The following SFMBT1 variants were observed in gnomAD, a reference collection of about 807,000 sequenced individuals.
SFMBT1 encodes the protein Scm like with four mbt domains 1.
A neutral mutation model predicts 108.7 loss-of-function variants in SFMBT1; 32 were observed. The ratio of observed to expected loss-of-function variants is 0.29; its 90% confidence interval spans 0.22 to 0.40. SFMBT1 has a LOEUF of 0.40. Ranked by LOEUF, SFMBT1 falls within the 10% of genes least tolerant of loss-of-function variation. The pLI, the probability that SFMBT1 is intolerant of heterozygous loss-of-function variation, is 1.00. For missense variants in SFMBT1, 816 were observed against 1,059.6 expected (o/e 0.77, Z 3.19); for synonymous variants, 348 against 369.5 (o/e 0.94, Z 0.67).
chr3:52,971,372 C>T (rs562991562), intron 1 of SFMBT1, among the ~76,000 whole-genome samples: 65 of 151,932 alleles, frequency 4.3e-4, no homozygotes, highest in Non-Finnish European at 9.0e-4. Flanking sequence ...TATCCCAAAT[C>T]GTATCACAGA....
intron 2 of SFMBT1, among the ~76,000 whole-genome samples, chr3:52,966,005 C>CAAAAAAA (rs775989805): frequency 1.8e-5 from 1 of 55,030 alleles, no homozygotes; most frequent in Non-Finnish European, 3.2e-5. Context: ...GACTCCGTTT[C>CAAAAAAA]AAAAAAAAAA....
chr3:52,997,769 G>A (rs1357631236), intron 1 of SFMBT1, among the ~76,000 whole-genome samples: 1 of 149,986 alleles, frequency 6.7e-6, no homozygotes, highest in East Asian at 1.9e-4. Flanking sequence ...CACATTTTGG[G>A]GGTAATAAAA....
chr3:52,912,200 A>T (rs187667175), intron 16 of SFMBT1, among the ~76,000 whole-genome samples: 1 of 152,106 alleles, frequency 6.6e-6, no homozygotes, highest in Non-Finnish European at 1.5e-5. Flanking sequence ...TTTTTGTTTG[A>T]GACAGAATCT....
intron 1 of SFMBT1, among the ~76,000 whole-genome samples, chr3:53,035,113 G>C (rs113285240): frequency 1.3e-5 from 2 of 152,376 alleles, no homozygotes; most frequent in African/African-American, 4.8e-5. Flanking sequence ...GAGGCCATGA[G>C]AGAAGGGAAT....
chr3:53,020,705 T>C (rs1699276096), intron 1 of SFMBT1, among the ~76,000 whole-genome samples: 1 of 152,096 alleles, frequency 6.6e-6, no homozygotes, highest in Admixed American at 6.5e-5. Context: ...GAGAACACAT[T>C]TCCAATCTAT....
chr3:52,982,973 T>G (rs566405703), intron 1 of SFMBT1, among the ~76,000 whole-genome samples: 2 of 152,262 alleles, frequency 1.3e-5, no homozygotes, highest in African/African-American at 4.8e-5. Context: ...GATATGGCAC[T>G]GAAACTAAAG....
chr3:53,025,966 T>C (rs1328482220), intron 1 of SFMBT1, among the ~76,000 whole-genome samples: 1 of 152,248 alleles, frequency 6.6e-6, no homozygotes, highest in Non-Finnish European at 1.5e-5. Flanking sequence ...TCTCTCAGTG[T>C]TGGGCTGTGT....
At chr3:52,976,190 C>T (rs1312554601) in intron 1 of SFMBT1, among the ~76,000 whole-genome samples, 1 of 152,044 alleles carries the variant, frequency 6.6e-6, no homozygotes, top group African/African-American at 2.4e-5. Context: ...TCACTTGAGG[C>T]TGGGAGTTCA....
intron 1 of SFMBT1, among the ~76,000 whole-genome samples, chr3:53,005,341 ACT>A (rs1426895069): frequency 7.9e-5 from 12 of 152,092 alleles, no homozygotes; most frequent in Non-Finnish European, 1.8e-4. Context: ...ACAGGATCTC[ACT>A]CTGTCACCCA....
intron 1 of SFMBT1, among the ~76,000 whole-genome samples, chr3:52,998,237 A>C (rs1422915153): frequency 6.7e-6 from 1 of 149,748 alleles, no homozygotes; most frequent in Non-Finnish European, 1.5e-5. Context: ...CTAAAAATAC[A>C]AAAAATTTGC....
chr3:52,945,894 A>G (rs1703350827), intron 3 of SFMBT1, among the ~76,000 whole-genome samples: 2 of 152,186 alleles, frequency 1.3e-5, no homozygotes, highest in Admixed American at 1.3e-4. Flanking sequence ...GAGAAACAGG[A>G]TATCTGCAAA....
chr3:53,006,106 G>C (rs1048722473), intron 1 of SFMBT1, among the ~76,000 whole-genome samples: 1 of 152,198 alleles, frequency 6.6e-6, no homozygotes, highest in Non-Finnish European at 1.5e-5. Flanking sequence ...CATAGTGAGA[G>C]GTCACTTCAA....
At chr3:52,909,102 G>A (rs1283348415) in intron 17 of SFMBT1, among the ~76,000 whole-genome samples, 36 of 152,088 alleles carry the variant, frequency 2.4e-4, no homozygotes, top group Non-Finnish European at 5.1e-4. Flanking sequence ...GAAAAAAATG[G>A]AAATTTTCTA....
chr3:52,961,425 G>C (rs1223178488), intron 2 of SFMBT1, among the ~76,000 whole-genome samples: 1 of 151,996 alleles, frequency 6.6e-6, no homozygotes, highest in Non-Finnish European at 1.5e-5. Context: ...TGTTAAAACG[G>C]CCTGTAATCC....
chr3:53,032,578 A>G (rs987533806), intron 1 of SFMBT1, among the ~76,000 whole-genome samples: 4 of 152,230 alleles, frequency 2.6e-5, no homozygotes, highest in African/African-American at 9.6e-5. Flanking sequence ...CTCATTAAAC[A>G]TAATCATTTC....
At chr3:52,973,148 C>T (rs1192869385) in intron 1 of SFMBT1, among the ~76,000 whole-genome samples, 1 of 152,158 alleles carries the variant, frequency 6.6e-6, no homozygotes, top group Non-Finnish European at 1.5e-5. Context: ...GCCCAGGAGT[C>T]TGAGGTTACC....
At chr3:52,971,403 A>G (rs1316134602) in intron 1 of SFMBT1, among the ~76,000 whole-genome samples, 1 of 152,212 alleles carries the variant, frequency 6.6e-6, no homozygotes, top group Non-Finnish European at 1.5e-5. Context: ...CGAAACCCAC[A>G]CTTTCAAAGA....
intron 1 of SFMBT1, among the ~76,000 whole-genome samples, chr3:52,990,026 C>T (rs775920185): frequency 1.3e-5 from 2 of 152,118 alleles, no homozygotes; most frequent in African/African-American, 2.4e-5. Flanking sequence ...TAAAACTGTT[C>T]GGATATATTC....
intron 1 of SFMBT1, among the ~76,000 whole-genome samples, chr3:53,012,503 C>T (rs1165364589): frequency 5.3e-5 from 8 of 152,054 alleles, no homozygotes; most frequent in East Asian, 1.9e-4. Context: ...CCCGGATTCA[C>T]GCCATTCTCC....
Sources: allele counts gnomAD v4.1 joint callset (sites outside exome capture counted in the v4.1 genomes callset), GRCh38; gene constraint gnomAD v4.1.1; transcripts MANE v1.5; gene names NCBI Gene and HGNC (gene_info 2026-07-23, HGNC 2026-07-21).